Variants in CEP135 observed in about 807,000 individuals in gnomAD.
CEP135 encodes centrosomal protein of 135 kDa.
Under a neutral mutation model 157.3 loss-of-function variants are expected in CEP135, and 142 were observed. The ratio of observed to expected loss-of-function variants is 0.90; its 90% CI spans 0.79 to 1.04. CEP135 has a LOEUF of 1.04. Ranked by LOEUF, CEP135 falls within the 50% of genes least tolerant of loss-of-function variation. The pLI is 0.00. For synonymous variants in CEP135, 396 were observed against 439.8 expected, an observed-to-expected ratio of 0.90 and a Z score of 1.25; for missense variants, 1,317 against 1,309.2, an observed-to-expected ratio of 1.01 and a Z score of -0.09.
At chr4:56,027,920 C>T (rs1187136229) in intron 25 of CEP135, among the ~76,000 whole-genome samples, 1 of 152,152 alleles carries the variant, frequency 6.6e-6, no homozygotes, top group African/African-American at 2.4e-5. Flanking sequence ...AACAATCACT[C>T]TCCAATCCCC....
intron 17 of CEP135, among the ~76,000 whole-genome samples, chr4:56,000,928 T>G (rs985265660): frequency 6.6e-6 from 1 of 152,166 alleles, no homozygotes; most frequent in African/African-American, 2.4e-5. Context: ...ATTCCCCATC[T>G]TTTTGATAAA....
At chr4:55,991,693 T>TA (rs1187049404) in intron 14 of CEP135, among the ~76,000 whole-genome samples, 3 of 152,212 alleles carry the variant, frequency 2.0e-5, no homozygotes, top group Admixed American at 1.3e-4. Context: ...CTGTTATAGA[T>TA]ATATTCTTTT....
intron 11 of CEP135, 88 bp from the exon 12 acceptor site, chr4:55,980,054 TG>T: frequency 9.3e-7 from 1 of 1,070,122 alleles, no homozygotes. Flanking sequence ...TCTTTTTGTC[TG>T]GTAGCATCTT....
At chr4:55,991,888 T>C (rs1247763484) in intron 14 of CEP135, 46 bp from the exon 15 acceptor site, 8 of 923,750 alleles carry the variant, frequency 8.7e-6, no homozygotes, top group African/African-American at 1.8e-5. Flanking sequence ...AAAATATCAT[T>C]AACGTATTAA....
At chr4:55,965,885 G>A (rs143480143) in intron 8 of CEP135, 26 bp downstream of exon 8, 130 of 1,556,436 alleles carry the variant, frequency 8.4e-5, no homozygotes, top group Non-Finnish European at 1.1e-4. Context: ...TGTAGATTGT[G>A]AGAGTGTTCA....
intron 17 of CEP135, among the ~76,000 whole-genome samples, chr4:56,003,551 A>T (rs1253350522): frequency 1.3e-5 from 2 of 151,584 alleles, no homozygotes; most frequent in South Asian, 2.1e-4. Flanking sequence ...TTTTGCTCTG[A>T]TCTTTATTCT....
chr4:56,003,988 G>A (rs987316006), intron 17 of CEP135, among the ~76,000 whole-genome samples: 2 of 152,128 alleles, frequency 1.3e-5, no homozygotes, highest in African/African-American at 4.8e-5. Context: ...CCCAAGTGCT[G>A]GGATTACAGG....
At chr4:56,011,667 GTGGTACCTGCACAGATATCTAA>G in intron 20 of CEP135, 111 bp from the exon 21 acceptor site, 1 of 967,478 alleles carries the variant, frequency 1.0e-6, no homozygotes, top group Admixed American at 3.0e-5. Flanking sequence ...AGATTTTAGT[GTGGTACCTGCACAGATATCTAA>G]TGCTTCCTAA....
At chr4:56,006,920 G>A (rs768393190) in intron 17 of CEP135, among the ~76,000 whole-genome samples, 16 of 152,206 alleles carry the variant, frequency 1.1e-4, no homozygotes, top group Admixed American at 3.3e-4. Context: ...TTGAGACAGA[G>A]TCTTGCTCTG....
In CEP135 at chr4:55,999,612, G is replaced by C. The variant is rs1328476146; in HGVS notation, c.2247G>C (p.Lys749Asn). The C allele has an allele frequency of 1.3e-6, 2 of 1,598,662 alleles. No homozygotes were observed. Among genetic ancestry groups the C allele is most frequent in the Non-Finnish European group, 1.7e-6 (2 of 1,176,748 alleles). Residue 749 changes from lysine to asparagine, a missense_variant, in exon 17 of 26, where the codon AAG becomes AAC. By Grantham distance (94) the Lys-to-Asn change is moderately conservative. Transcript: ENST00000257287. Reference protein sequence around the residue: ...LQETVDEKTEKIANLQENLAN... With the variant: ...LQETVDEKTENIANLQENLAN... Reference sequence around the variant, plus strand: ...AGACTGTAGATGAGAAGACAGAAAAGATTGCAAATTTGCAAGAAAACCTAG... The same window carrying C: ...AGACTGTAGATGAGAAGACAGAAAACATTGCAAATTTGCAAGAAAACCTAG...
chr4:55,962,380 G>T (rs557962399), intron 6 of CEP135, among the ~76,000 whole-genome samples: 1 of 152,090 alleles, frequency 6.6e-6, no homozygotes, highest in African/African-American at 2.4e-5. Flanking sequence ...AATTACAGGC[G>T]TGAGCCACTA....
rs980697289 is a variant in CEP135, at chr4:55,964,149, T to C, written c.700-125T>C. On this transcript the variant is annotated intron_variant, in intron 6 of 25. Transcript: ENST00000257287. ...TATGCATATAATATATGGACACAAA[T>C]ATGAATGTTAATCTCTTGCATACAT... 2.7e-5 allele frequency: 23 copies of C among 839,812 alleles called. No homozygotes were observed. The East Asian group carries it at 5.3e-4, about 19-fold the overall frequency. The allele number at this position is 839,812 out of a possible 1,614,324, so 52.0% of individuals were successfully genotyped here. A position where few individuals can be genotyped will look rare whatever the true frequency, so the allele number is the denominator to read the frequency against.
In CEP135 at chr4:56,011,321, T is replaced by C. The variant is rs369582471; in HGVS notation, c.2506-91T>C. 3.6e-5 allele frequency: 31 copies of C among 867,850 alleles called. 1 individual carries two copies. Among genetic ancestry groups the C allele is most frequent in the East Asian group, 2.7e-4 (10 of 36,700 alleles). The allele number at this position is 867,850 out of a possible 1,614,324, so 53.8% of individuals were successfully genotyped here. On this transcript the variant is annotated intron_variant, in intron 19 of 25. Transcript: ENST00000257287. ...TTTCCTTTTGCCCTACTCTATCTTA[T>C]TCTCCAATTCCAAAGGAATTATTTG...
In CEP135 at chr4:55,999,287, C is replaced by T. The variant is rs774459536; in HGVS notation, c.2010-15C>T. 3.7e-5 allele frequency: 58 copies of T among 1,570,002 alleles called. No homozygotes were observed. Among genetic ancestry groups the T allele is most frequent in the Non-Finnish European group, 5.1e-5 (58 of 1,147,830 alleles). ...GATAAAGAATACCATTTGTTTTTGTCCATTGATTCTTTAGGATAGTGAATG... is the reference window on the plus strand; with the variant it reads ...GATAAAGAATACCATTTGTTTTTGTTCATTGATTCTTTAGGATAGTGAATG... On this transcript the variant is annotated splice_polypyrimidine_tract_variant and intron_variant, in intron 15 of 25. Coordinates refer to ENST00000257287, the MANE Select transcript of CEP135 (RefSeq NM_025009.5).
chr4:55,959,758 A>G lies in CEP135; in HGVS notation c.691A>G (p.Ser231Gly). The change falls in exon 6 of 26, where the codon AGC becomes GGC. Residue 231 changes from serine to glycine, a missense_variant. By Grantham distance (56) the Ser-to-Gly change is moderately conservative. Transcript: ENST00000257287. ...AMMESGVRDY[S>G]KQIELREREI... ...GATGGAAAGTGGGGTGAGAGACTAT[A>G]GCAAGCAGGTAGGATTTTTATTTAC... 1 of 1,613,062 alleles carries G rather than the reference A, an allele frequency of 6.2e-7. No homozygotes were observed. Among genetic ancestry groups the G allele is most frequent in the East Asian group, 2.2e-5 (1 of 44,874 alleles).
At position 55,953,284 on chromosome 4, in the gene CEP135, A is replaced by C; in HGVS notation, c.304+9A>C. On this transcript the variant is annotated intron_variant, in intron 3 of 25. Transcript: ENST00000257287. ...AGACCAACACGTTAAAGGTAAGTGA[A>C]AATTTGATAATTTTTAAAATGCAAT... is the stretch of plus-strand genomic sequence containing the variant. 1 of 1,482,510 alleles carries C rather than the reference A, an allele frequency of 6.7e-7. No homozygotes were observed. The allele number at this position is 1,482,510 out of a possible 1,614,324, so 91.8% of individuals were successfully genotyped here.
intron 14 of CEP135, among the ~76,000 whole-genome samples, chr4:55,990,777 C>T (rs1385744258): frequency 1.3e-5 from 2 of 152,154 alleles, no homozygotes; most frequent in Non-Finnish European, 2.9e-5. Context: ...TTGCATTGGC[C>T]TTCAAAGTAC....
chr4:55,981,414 G>A (rs1729404673), intron 13 of CEP135, 35 bp downstream of exon 13: 1 of 1,542,304 alleles, frequency 6.5e-7, no homozygotes, highest in Non-Finnish European at 8.7e-7. Context: ...AAGGTAATTT[G>A]TTGAGAAAAA....
intron 15 of CEP135, among the ~76,000 whole-genome samples, chr4:55,996,359 A>G (rs1729970057): frequency 6.6e-6 from 1 of 152,166 alleles, no homozygotes; most frequent in Non-Finnish European, 1.5e-5. Flanking sequence ...TGGGCTCAAG[A>G]GAGGACCATT....
Sources: gnomAD v4.1 joint callset for allele counts (sites outside exome capture counted in the v4.1 genomes callset) on GRCh38, gnomAD v4.1.1 for gene constraint, MANE v1.5 for transcripts, NCBI Gene and HGNC (gene_info 2026-07-23, HGNC 2026-07-21) for gene names.